LY86: variants seen among roughly 807,000 people sequenced by gnomAD.
LY86 encodes the protein lymphocyte antigen 86, also known as MD-1, RP105-associated.
In LY86, 20 loss-of-function variants were observed where a neutral mutation model predicts 17.3. The ratio of observed to expected loss-of-function variants is 1.15; its 90% CI spans 0.81 to 1.68. The LOEUF is 1.68. LY86 is among the 40% of genes most tolerant of loss of function. The pLI is 0.00. For synonymous variants in LY86, 74 were observed against 70.6 expected (o/e 1.05, Z -0.24); for missense variants, 200 against 191.9 (o/e 1.04, Z -0.25).
intron 1 of LY86, among the ~76,000 whole-genome samples, chr6:6,602,259 T>C (rs1424775096): frequency 1.3e-5 from 2 of 152,240 alleles, no homozygotes; most frequent in East Asian, 3.8e-4. Context: ...TATTCAAGCA[T>C]ACCTAGTTCA....
At chr6:6,604,006 G>C (rs1761011398) in intron 1 of LY86, among the ~76,000 whole-genome samples, 1 of 152,076 alleles carries the variant, frequency 6.6e-6, no homozygotes, top group East Asian at 1.9e-4. Flanking sequence ...CTATCATCTA[G>C]GTTTGGGCCC....
At chr6:6,631,784 A>T (rs1290886252) in intron 3 of LY86, among the ~76,000 whole-genome samples, 2 of 152,258 alleles carry the variant, frequency 1.3e-5, no homozygotes, top group Non-Finnish European at 2.9e-5. Flanking sequence ...TGCAGAGATA[A>T]TATGAAAATG....
At chr6:6,612,363 A>G (rs140216933) in intron 1 of LY86, among the ~76,000 whole-genome samples, 1 of 152,220 alleles carries the variant, frequency 6.6e-6, no homozygotes, top group African/African-American at 2.4e-5. Flanking sequence ...TTAAGGTGAT[A>G]CATTTGGAGT....
At chr6:6,619,975 A>G (rs1235965233) in intron 1 of LY86, among the ~76,000 whole-genome samples, 1 of 152,128 alleles carries the variant, frequency 6.6e-6, no homozygotes, top group Non-Finnish European at 1.5e-5. Flanking sequence ...GCACTTGGCC[A>G]TGAGTATGTG....
chr6:6,616,191 CT>C (rs1331588089), intron 1 of LY86, among the ~76,000 whole-genome samples: 7 of 152,172 alleles, frequency 4.6e-5, no homozygotes, highest in Non-Finnish European at 1.0e-4. Flanking sequence ...TGACAGTGAC[CT>C]GCACAATCTC....
chr6:6,592,912 A>G (rs114035376), intron 1 of LY86, among the ~76,000 whole-genome samples: 2,254 of 152,334 alleles, frequency 0.015, 48 homozygotes, highest in African/African-American at 0.049. Context: ...TAAAGGCAGG[A>G]GAGGTTAGGA....
intron 1 of LY86, among the ~76,000 whole-genome samples, chr6:6,592,226 G>A (rs1246231674): frequency 4.6e-5 from 7 of 152,216 alleles, no homozygotes; most frequent in African/African-American, 1.4e-4. Context: ...TAGGAAGTAA[G>A]CAGTTTTCTG....
chr6:6,613,668 C>G (rs566708141), intron 1 of LY86, among the ~76,000 whole-genome samples: 1 of 152,364 alleles, frequency 6.6e-6, no homozygotes, highest in East Asian at 1.9e-4. Flanking sequence ...CCGGCTCCGG[C>G]CTTGGCCAGC....
At position 6,592,454 on chromosome 6, in the gene LY86, G is replaced by A. The variant is rs189713907; in HGVS notation, c.136+3584G>A. Among the ~76,000 whole-genome samples the A allele has an allele frequency of 1.3e-3, 197 of 152,266 alleles. 1 individual carries two copies. The highest frequency in any genetic ancestry group is 4.5e-3 in the African/African-American group (185 of 41,532). On this transcript the variant is annotated intron_variant, in intron 1 of 4. Transcript: ENST00000230568. ...TATATGCTGCCTCCAGCATATACAC[G>A]AAGATGTGAGGAGATGACAGAAATA...
At chr6:6,635,592 C>G (rs1193038839) in intron 3 of LY86, among the ~76,000 whole-genome samples, 1 of 152,166 alleles carries the variant, frequency 6.6e-6, no homozygotes, top group Non-Finnish European at 1.5e-5. Context: ...CTATGTTATA[C>G]TTGTTTGCTC....
chr6:6,614,388 T>G (rs968111865), intron 1 of LY86, among the ~76,000 whole-genome samples: 1 of 152,042 alleles, frequency 6.6e-6, no homozygotes, highest in Non-Finnish European at 1.5e-5. Flanking sequence ...TTTTTTTTTT[T>G]TTTTATTTGA....
chr6:6,601,823 C>G (rs533117605), intron 1 of LY86, among the ~76,000 whole-genome samples: 10 of 152,356 alleles, frequency 6.6e-5, no homozygotes, highest in African/African-American at 2.2e-4. Flanking sequence ...ATCTTATTGC[C>G]ATGTGGGAAT....
intron 1 of LY86, among the ~76,000 whole-genome samples, chr6:6,612,213 A>G (rs145318076): frequency 2.0e-5 from 3 of 152,164 alleles, no homozygotes; most frequent in African/African-American, 7.2e-5. Flanking sequence ...AGACCCTCAC[A>G]GTTAAGTTCT....
intron 1 of LY86, among the ~76,000 whole-genome samples, chr6:6,589,280 G>A (rs1760453533): frequency 6.6e-6 from 1 of 152,142 alleles, no homozygotes. Context: ...GATGTACTTT[G>A]CAAGTGAAGT....
intron 1 of LY86, among the ~76,000 whole-genome samples, chr6:6,622,044 T>C (rs1394682752): frequency 6.6e-6 from 1 of 152,222 alleles, no homozygotes; most frequent in African/African-American, 2.4e-5. Context: ...CACTCTTGCA[T>C]ATAAATTTGA....
chr6:6,628,647 T>C (rs1195672963), intron 3 of LY86, among the ~76,000 whole-genome samples: 1 of 152,100 alleles, frequency 6.6e-6, no homozygotes, highest in Non-Finnish European at 1.5e-5. Flanking sequence ...CTACTTCTGC[T>C]GTAGTGCTTA....
chr6:6,624,795 A>C (rs1761754658), intron 1 of LY86, 131 bp from the exon 2 acceptor site: 2 of 582,980 alleles, frequency 3.4e-6, no homozygotes, highest in Admixed American at 7.0e-5. Context: ...GGCTTATTTT[A>C]AAAAGTGTTG....
chr6:6,613,675 C>T (rs534198124), intron 1 of LY86, among the ~76,000 whole-genome samples: 60 of 152,350 alleles, frequency 3.9e-4, no homozygotes, highest in African/African-American at 1.4e-3. Flanking sequence ...CGGCCTTGGC[C>T]AGCCCAGAAA....
chr6:6,652,084 A>G (rs1462926451), intron 4 of LY86, among the ~76,000 whole-genome samples: 3 of 150,720 alleles, frequency 2.0e-5, no homozygotes, highest in East Asian at 3.9e-4. Flanking sequence ...AAAAAAAAGG[A>G]AAAAGGTTGA....
Sources: gnomAD v4.1 joint callset for allele counts (sites outside exome capture counted in the v4.1 genomes callset) on GRCh38, gnomAD v4.1.1 for gene constraint, MANE v1.5 for transcripts, NCBI Gene and HGNC (gene_info 2026-07-23, HGNC 2026-07-21) for gene names.